MECOM: variants seen among roughly 807,000 people sequenced by gnomAD.
MECOM encodes the protein histone-lysine N-methyltransferase MECOM.
Under a neutral mutation model 116.3 loss-of-function variants are expected in MECOM, and 13 were observed. The ratio of observed to expected loss-of-function variants is 0.11; its 90% confidence interval spans 0.07 to 0.18. The LOEUF is 0.18. MECOM is among the 10% of genes least tolerant of loss of function. MECOM has a pLI of 1.00. For synonymous variants in MECOM, 528 were observed against 535.2 expected (o/e 0.99, Z 0.19); for missense variants, 1,299 against 1,509.0 (o/e 0.86, Z 2.31).
intron 1 of MECOM, among the ~76,000 whole-genome samples, chr3:169,457,729 C>T (rs1014015988): frequency 1.3e-5 from 2 of 152,142 alleles, no homozygotes; most frequent in African/African-American, 4.8e-5. Context: ...AATATGAGGG[C>T]CACATACCTG....
At chr3:169,197,133 G>C (rs995897018) in intron 2 of MECOM, among the ~76,000 whole-genome samples, 3 of 151,842 alleles carry the variant, frequency 2.0e-5, no homozygotes, top group African/African-American at 7.2e-5. Context: ...TTGACACAAA[G>C]AAGCGAACTA....
intron 1 of MECOM, among the ~76,000 whole-genome samples, chr3:169,479,652 T>TA (rs3042768): frequency 0.026 from 3,293 of 126,478 alleles, 115 homozygotes; most frequent in East Asian, 0.2. Context: ...TTCTCTTACC[T>TA]AAAAAAAAAA....
intron 1 of MECOM, among the ~76,000 whole-genome samples, chr3:169,577,473 CT>C (rs5854339): frequency 0.58 from 85,492 of 147,308 alleles, 24,486 homozygotes; most frequent in Admixed American, 0.66. Context: ...GAAAAGTTGC[CT>C]TTTTTTTTTT....
At chr3:169,401,222 G>A (rs1241948855) in intron 1 of MECOM, among the ~76,000 whole-genome samples, 1 of 152,122 alleles carries the variant, frequency 6.6e-6, no homozygotes, top group Non-Finnish European at 1.5e-5. Context: ...TAGCTTCCAT[G>A]GATGCAGTAG....
chr3:169,455,361 G>A (rs567401694), intron 1 of MECOM, among the ~76,000 whole-genome samples: 5 of 152,294 alleles, frequency 3.3e-5, no homozygotes, highest in Non-Finnish European at 7.4e-5. Flanking sequence ...GTATCTCCGC[G>A]TTTATACTGC....
intron 2 of MECOM, among the ~76,000 whole-genome samples, chr3:169,370,538 A>T (rs1480121769): frequency 1.3e-5 from 2 of 152,000 alleles, no homozygotes; most frequent in African/African-American, 2.4e-5. Flanking sequence ...GACTATATCT[A>T]ACTAAAAATT....
intron 2 of MECOM, among the ~76,000 whole-genome samples, chr3:169,285,898 T>C (rs1295146588): frequency 6.6e-6 from 1 of 152,210 alleles, no homozygotes; most frequent in African/African-American, 2.4e-5. Flanking sequence ...TCAACAAAAA[T>C]CCTTTAAAAC....
Position 169,146,867 on chromosome 3 carries a change from A to T in MECOM, c.376-3035T>A, listed in dbSNP as rs1350730301. On this transcript the variant is annotated intron_variant, in intron 2 of 16. Coordinates refer to ENST00000651503, the MANE Select transcript of MECOM (RefSeq NM_004991.4). ...CCGAGCAACATTTAGAGATGTTTAA[A>T]AATAATAATAATAATTTTTTAAAAG... 14 of 1,032,240 alleles carry T rather than the reference A, an allele frequency of 1.4e-5. No individual in the cohort carries two copies. In the South Asian group the frequency reaches 2.1e-4, roughly 16 times the overall value. The allele number at this position is 1,032,240 out of a possible 1,614,324, so 63.9% of individuals were successfully genotyped here.
intron 1 of MECOM, among the ~76,000 whole-genome samples, chr3:169,485,997 A>G (rs1311296060): frequency 4.5e-5 from 4 of 88,056 alleles, no homozygotes; most frequent in African/African-American, 1.8e-4. Context: ...ATATATATGT[A>G]TATATATACT....
intron 5 of MECOM, among the ~76,000 whole-genome samples, chr3:169,123,209 C>T (rs1324077355): frequency 6.6e-6 from 1 of 150,782 alleles, no homozygotes; most frequent in Admixed American, 6.6e-5. Context: ...ACAGAAAATG[C>T]TTAAAAGTAT....
intron 2 of MECOM, among the ~76,000 whole-genome samples, chr3:169,336,547 G>C (rs2149783695): frequency 6.6e-6 from 1 of 151,828 alleles, no homozygotes; most frequent in South Asian, 2.1e-4. Flanking sequence ...TCAATTCCAG[G>C]CCATTTGTCT....
Position 169,465,049 on chromosome 3 carries a change from A to G in MECOM, c.38-83525T>C, listed in dbSNP as rs147570450. ...TAAAAATCTTACAATGAATACTTAT[A>G]TTAGAATCAGAATAAAAACAAAATT... On this transcript the variant is annotated intron_variant, in intron 1 of 16. Transcript: ENST00000651503. 8.5e-5 allele frequency among the ~76,000 whole-genome samples: 13 copies of G among 152,270 alleles called. No individual in the cohort carries two copies. In the East Asian group the frequency reaches 2.3e-3, roughly 27 times the overall value.
Position 169,102,243 on chromosome 3 carries a change from C to G in MECOM, c.2605-17G>C, listed in dbSNP as rs777514613. 1.2e-6 allele frequency: 2 copies of G among 1,605,834 alleles called. No individual in the cohort carries two copies. Among genetic ancestry groups the G allele is most frequent in the South Asian group, 2.2e-5 (2 of 89,888 alleles). ...AGCTGACATCTGAAAGGTAAAAGCA[C>G]AAGACCATGAAGCGTTTGGCATCTT... On this transcript the variant is annotated splice_polypyrimidine_tract_variant and intron_variant, in intron 10 of 16. Coordinates refer to ENST00000651503, the MANE Select transcript of MECOM (RefSeq NM_004991.4).
At chr3:169,327,864 C>T (rs1232535905) in intron 2 of MECOM, among the ~76,000 whole-genome samples, 1 of 152,112 alleles carries the variant, frequency 6.6e-6, no homozygotes, top group Non-Finnish European at 1.5e-5. Context: ...ATATGCTGAT[C>T]CTATAACACT....
In MECOM at chr3:169,548,494, C is replaced by T. The variant is rs539122687; in HGVS notation, c.37+114842G>A. Among the ~76,000 whole-genome samples the T allele has an allele frequency of 2.0e-5, 3 of 152,338 alleles. No homozygotes were observed. The East Asian group carries it at 5.8e-4, about 29-fold the overall frequency. ...AAAGCATTTTCAGTTTCTTGGAACA[C>T]AAGCTCTAAAAAGTAAGAGGGAGCT... On this transcript the variant is annotated intron_variant, in intron 1 of 16. Transcript: ENST00000651503.
intron 2 of MECOM, among the ~76,000 whole-genome samples, chr3:169,224,905 A>T (rs1431340706): frequency 6.6e-6 from 1 of 152,218 alleles, no homozygotes; most frequent in African/African-American, 2.4e-5. Flanking sequence ...AAGCCACAAG[A>T]TTAAACATTA....
At chr3:169,412,291 A>T (rs1290089832) in intron 1 of MECOM, among the ~76,000 whole-genome samples, 1 of 151,690 alleles carries the variant, frequency 6.6e-6, no homozygotes, top group Non-Finnish European at 1.5e-5. Flanking sequence ...GTCTCAAAAA[A>T]AAAAAAAAGG....
intron 1 of MECOM, among the ~76,000 whole-genome samples, chr3:169,397,423 G>A (rs1447765467): frequency 8.5e-5 from 13 of 152,178 alleles, no homozygotes; most frequent in Non-Finnish European, 1.5e-4. Context: ...TCAGCCCAAA[G>A]TGCAGGATAT....
chr3:169,084,449 T>A lies in MECOM; in HGVS notation c.*460A>T, dbSNP rs1717034345. 8.6e-6 allele frequency: 2 copies of A among 233,174 alleles called. No individual in the cohort carries two copies. Among genetic ancestry groups the A allele is most frequent in the African/African-American group, 4.4e-5 (2 of 45,348 alleles). The allele number at this position is 233,174 out of a possible 1,614,324, so 14.4% of individuals were successfully genotyped here. A position where few individuals can be genotyped will look rare whatever the true frequency, so the allele number is the denominator to read the frequency against. ...CAAAGGGTTAAATTACATAAAACTT[T>A]AACGAAGAAAAAAATTAAATCTGTA... On this transcript the variant is annotated 3_prime_UTR_variant, in exon 17 of 17. Coordinates refer to ENST00000651503, the MANE Select transcript of MECOM (RefSeq NM_004991.4).
Sources: allele counts gnomAD v4.1 joint callset (sites outside exome capture counted in the v4.1 genomes callset), GRCh38; gene constraint gnomAD v4.1.1; transcripts MANE v1.5; gene names NCBI Gene and HGNC (gene_info 2026-07-23, HGNC 2026-07-21).